Variants in SLC23A2 observed in about 807,000 individuals in gnomAD.
SLC23A2 encodes the protein solute carrier family 23 member 2.
Under a neutral mutation model 73.3 loss-of-function variants are expected in SLC23A2, and 36 were observed. That is an observed-to-expected ratio of 0.49 (90% CI 0.38 to 0.65). SLC23A2 has a LOEUF of 0.65. Ranked by LOEUF, SLC23A2 falls within the 30% of genes least tolerant of loss-of-function variation. SLC23A2 has a pLI of 0.00. For synonymous variants in SLC23A2, 343 were observed against 327.3 expected, an observed-to-expected ratio of 1.05 and a Z score of -0.52; for missense variants, 507 against 841.6, an observed-to-expected ratio of 0.60 and a Z score of 4.92.
Position 4,902,795 on chromosome 20 carries a change from T to A in SLC23A2, c.208-237A>T, listed in dbSNP as rs1197042579. Reference sequence around the variant, plus strand: ...GTCAGCGTCCTTGGGCAACATCTCATCCCTGAGAACACCAAACTTGCTCAG... The same window carrying A: ...GTCAGCGTCCTTGGGCAACATCTCAACCCTGAGAACACCAAACTTGCTCAG... On this transcript the variant is annotated intron_variant, in intron 4 of 16. Transcript: ENST00000338244. The surrounding 1 kb of genome is among the most constrained non-coding windows in gnomAD (Gnocchi z 4.0). 6.6e-6 allele frequency among the ~76,000 whole-genome samples: 1 copy of A among 151,994 alleles called. No homozygotes were observed. Among genetic ancestry groups the A allele is most frequent in the African/African-American group, 2.4e-5 (1 of 41,358 alleles).
At chr20:4,993,357 T>A (rs1600214603) in intron 1 of SLC23A2, among the ~76,000 whole-genome samples, 1 of 138,592 alleles carries the variant, frequency 7.2e-6, no homozygotes, top group Non-Finnish European at 1.5e-5. Context: ...AATTTCAGAT[T>A]AAAAAATTAG....
intron 9 of SLC23A2, among the ~76,000 whole-genome samples, chr20:4,881,489 G>A (rs1166456695): frequency 6.6e-6 from 1 of 152,160 alleles, no homozygotes; most frequent in Non-Finnish European, 1.5e-5. Flanking sequence ...AATTTGGGGG[G>A]AGGTAACAGT....
At chr20:4,911,432 A>T (rs1180223644) in intron 4 of SLC23A2, among the ~76,000 whole-genome samples, 2 of 152,232 alleles carry the variant, frequency 1.3e-5, no homozygotes, top group African/African-American at 4.8e-5. Context: ...CAGAATTTCA[A>T]TACAATTTAT....
At chr20:4,896,282 C>A (rs913875688) in intron 6 of SLC23A2, among the ~76,000 whole-genome samples, 13 of 152,176 alleles carry the variant, frequency 8.5e-5, no homozygotes, top group African/African-American at 3.1e-4. Flanking sequence ...AGGACCCACA[C>A]GGAAGAAGGT....
At chr20:4,859,077 C>T (rs1038877959) in intron 16 of SLC23A2, among the ~76,000 whole-genome samples, 6 of 152,102 alleles carry the variant, frequency 3.9e-5, no homozygotes, top group African/African-American at 1.2e-4. Flanking sequence ...TCCTTCAGCA[C>T]GAGAAACAAA....
At chr20:4,937,266 CAAG>C (rs1678842962) in intron 2 of SLC23A2, among the ~76,000 whole-genome samples, 1 of 152,222 alleles carries the variant, frequency 6.6e-6, no homozygotes, top group African/African-American at 2.4e-5. Context: ...TGTATTAAAA[CAAG>C]AAGCAAAATC....
At chr20:4,919,921 C>T (rs1352782162) in intron 3 of SLC23A2, among the ~76,000 whole-genome samples, 1 of 152,180 alleles carries the variant, frequency 6.6e-6, no homozygotes, top group Non-Finnish European at 1.5e-5. Flanking sequence ...GCTTCTTGAA[C>T]AGTAAAAAGA....
intron 13 of SLC23A2, among the ~76,000 whole-genome samples, chr20:4,866,980 T>G (rs1425279753): frequency 7.1e-6 from 1 of 141,160 alleles, no homozygotes; most frequent in African/African-American, 2.7e-5. Flanking sequence ...TAGTGACACC[T>G]CCCAGTTGGG....
chr20:5,009,732 G>T (rs191913730), intron 1 of SLC23A2, among the ~76,000 whole-genome samples: 1 of 152,130 alleles, frequency 6.6e-6, no homozygotes, highest in Admixed American at 6.6e-5. Context: ...CAGGGTTCTG[G>T]AGAATTGGAA....
intron 9 of SLC23A2, among the ~76,000 whole-genome samples, chr20:4,880,216 T>C (rs939691303): frequency 3.9e-5 from 6 of 152,208 alleles, no homozygotes; most frequent in African/African-American, 1.4e-4. Flanking sequence ...CTGGAACAGT[T>C]TGCAAGTTAG....
At chr20:4,954,475 T>C in intron 2 of SLC23A2, among the ~76,000 whole-genome samples, 1 of 152,020 alleles carries the variant, frequency 6.6e-6, no homozygotes, top group East Asian at 1.9e-4. Context: ...GGCAGGTGGA[T>C]CACCTGAGGT....
chr20:4,877,550 T>G (rs758624513), intron 9 of SLC23A2, among the ~76,000 whole-genome samples: 1 of 152,138 alleles, frequency 6.6e-6, no homozygotes, highest in Non-Finnish European at 1.5e-5. Context: ...AAAACAAAAT[T>G]TTTTACTAGT....
At chr20:4,873,802 TA>T in intron 11 of SLC23A2, 133 bp downstream of exon 11, 1 of 835,184 alleles carries the variant, frequency 1.2e-6, no homozygotes, top group Non-Finnish European at 1.8e-6. Flanking sequence ...ACTTGCTGTC[TA>T]ATCCTCTCCT....
At chr20:4,961,371 C>T (rs543493301) in intron 2 of SLC23A2, among the ~76,000 whole-genome samples, 119 of 152,198 alleles carry the variant, frequency 7.8e-4, no homozygotes, top group Admixed American at 1.7e-3. Context: ...CGTGAGCCAC[C>T]ACGCCTGGCC....
chr20:5,007,702 C>T (rs1246933497), intron 1 of SLC23A2, among the ~76,000 whole-genome samples: 3 of 151,992 alleles, frequency 2.0e-5, no homozygotes, highest in South Asian at 2.1e-4. Flanking sequence ...CCCCCAGCCC[C>T]GGCAACCACT....
chr20:4,867,940 G>C, intron 12 of SLC23A2, 65 bp from the exon 13 acceptor site: 1 of 935,784 alleles, frequency 1.1e-6, no homozygotes, highest in Non-Finnish European at 1.7e-6. Context: ...CTCTGAAATA[G>C]CCTCTACACA....
At chr20:4,963,780 G>A (rs56413117) in intron 2 of SLC23A2, among the ~76,000 whole-genome samples, 18,045 of 152,056 alleles carry the variant, frequency 0.12, 1,191 homozygotes, top group Middle Eastern at 0.23. Flanking sequence ...CCCAGAAGGC[G>A]GAGGTTGCAG....
At chr20:4,957,361 C>T (rs1033760126) in intron 2 of SLC23A2, among the ~76,000 whole-genome samples, 2 of 151,874 alleles carry the variant, frequency 1.3e-5, no homozygotes, top group African/African-American at 4.8e-5. Context: ...ACTCAGTAGG[C>T]TGAGGCAGGA....
chr20:4,888,738 A>G (rs1315674395), intron 6 of SLC23A2, among the ~76,000 whole-genome samples: 2 of 152,208 alleles, frequency 1.3e-5, no homozygotes, highest in Non-Finnish European at 2.9e-5. Flanking sequence ...CACCTCCTCC[A>G]GCAAATATTC....
Sources: allele counts gnomAD v4.1 joint callset (sites outside exome capture counted in the v4.1 genomes callset), GRCh38; gene constraint gnomAD v4.1.1; non-coding constraint Gnocchi (gnomAD v3.1); transcripts MANE v1.5; gene names NCBI Gene and HGNC (gene_info 2026-07-23, HGNC 2026-07-21).